Variants in HIPK2 observed in about 807,000 individuals in gnomAD.
HIPK2 encodes homeodomain interacting protein kinase 2.
A neutral mutation model predicts 113.7 loss-of-function variants in HIPK2; 27 were observed. The observed-to-expected ratio is 0.24, with a 90% confidence interval of 0.17 to 0.33. The LOEUF (loss-of-function observed/expected upper bound fraction) is 0.33. Among genes scored for constraint, HIPK2 ranks in the 10% least tolerant of loss-of-function variants. The pLI is 1.00. For missense variants in HIPK2, 1,257 were observed against 1,588.0 expected (o/e 0.79, Z 3.54); for synonymous variants, 631 against 642.2 (o/e 0.98, Z 0.26).
chr7:139,621,660 G>T (rs751795972), intron 6 of HIPK2, among the ~76,000 whole-genome samples: 1 of 152,104 alleles, frequency 6.6e-6, no homozygotes, highest in Non-Finnish European at 1.5e-5. Flanking sequence ...TGGGTGGGGT[G>T]GCTCACGCCT....
intron 2 of HIPK2, among the ~76,000 whole-genome samples, chr7:139,693,915 C>A (rs1418151564): frequency 6.6e-6 from 1 of 152,112 alleles, no homozygotes. Flanking sequence ...ATGCTTGCTG[C>A]AAACTGAACA....
At position 139,614,267 on chromosome 7, in the gene HIPK2, T is replaced by C. The variant is rs1474834758; in HGVS notation, c.1990+19A>G. ...GTTCTGTAAGAAGCAGGTGAGAGGCTGTGGCTGCTCAATCTTACCTTGGAA... is the reference window on the plus strand; with the variant it reads ...GTTCTGTAAGAAGCAGGTGAGAGGCCGTGGCTGCTCAATCTTACCTTGGAA... On this transcript the variant is annotated intron_variant, in intron 8 of 14. Coordinates refer to ENST00000406875, the MANE Select transcript of HIPK2 (RefSeq NM_022740.5). 5 of 1,441,616 alleles carry C rather than the reference T, an allele frequency of 3.5e-6. No homozygotes were observed. Among genetic ancestry groups the C allele is most frequent in the Non-Finnish European group, 4.6e-6 (5 of 1,081,998 alleles). The allele number at this position is 1,441,616 out of a possible 1,614,324, so 89.3% of individuals were successfully genotyped here.
chr7:139,765,514 G>A (rs1050487658), intron 1 of HIPK2, among the ~76,000 whole-genome samples: 1 of 152,176 alleles, frequency 6.6e-6, no homozygotes, highest in Non-Finnish European at 1.5e-5. Flanking sequence ...AGCTGCTTCA[G>A]GGCAGGAATT....
At chr7:139,654,012 CG>C (rs1194469708) in intron 2 of HIPK2, among the ~76,000 whole-genome samples, 1 of 152,140 alleles carries the variant, frequency 6.6e-6, no homozygotes, top group Non-Finnish European at 1.5e-5. Context: ...GGATTATAGG[CG>C]TGAGCCACTG....
rs556835627 is a variant in HIPK2 at position 139,763,211 on chromosome 7, A to C, written c.19+14394T>G. ...GACTGTGCTGTGATCCATGCTGTTC[A>C]GGATTCAGGATTTTCTTCCAAGTGT... On this transcript the variant is annotated intron_variant, in intron 1 of 14. Transcript: ENST00000406875. Among the ~76,000 whole-genome samples, 3 of 152,326 alleles carry C rather than the reference A, an allele frequency of 2.0e-5. No individual in the cohort carries two copies. In the South Asian group the frequency reaches 6.2e-4, roughly 32 times the overall value.
intron 2 of HIPK2, among the ~76,000 whole-genome samples, chr7:139,634,674 G>GTTTTTTTGTTTTTTT (rs1800744252): frequency 8.8e-6 from 1 of 113,664 alleles, no homozygotes; most frequent in African/African-American, 4.0e-5. Context: ...TCTGTTTCAG[G>GTTTTTTTGTTTTTTT]TTTTTTTTTT....
chr7:139,702,033 G>A (rs997467009), intron 2 of HIPK2, among the ~76,000 whole-genome samples: 2 of 152,316 alleles, frequency 1.3e-5, no homozygotes, highest in Admixed American at 6.5e-5. Context: ...CAAGCAGGGA[G>A]CACACGAGGA....
chr7:139,574,766 G>A lies in HIPK2; in HGVS notation c.3126+362C>T, dbSNP rs374262075. ...CCTGCAATGAGTCGGATGCAGGTCTGTCCCTGATGTCCCAGGCCGACAGGG... is the reference window on the plus strand; with the variant it reads ...CCTGCAATGAGTCGGATGCAGGTCTATCCCTGATGTCCCAGGCCGACAGGG... On this transcript the variant is annotated intron_variant, in intron 14 of 14. Coordinates refer to ENST00000406875, the MANE Select transcript of HIPK2 (RefSeq NM_022740.5). Among the ~76,000 whole-genome samples the A allele has an allele frequency of 1.1e-4, 16 of 152,210 alleles. 2 individuals are homozygous for A. The highest frequency in any genetic ancestry group is 9.2e-4 in the Admixed American group (14 of 15,280).
chr7:139,745,576 A>G (rs1796176315), intron 1 of HIPK2, among the ~76,000 whole-genome samples: 3 of 152,188 alleles, frequency 2.0e-5, no homozygotes, highest in Admixed American at 1.3e-4. Flanking sequence ...CAAACTTAAA[A>G]TGTCCCAAAT....
intron 2 of HIPK2, among the ~76,000 whole-genome samples, chr7:139,696,408 C>T (rs947783006): frequency 1.3e-5 from 2 of 151,810 alleles, no homozygotes; most frequent in Non-Finnish European, 2.9e-5. Flanking sequence ...CCCCCCGCCA[C>T]CAATCCCTAC....
chr7:139,665,598 CCATCCAT>C (rs1802022109), intron 2 of HIPK2, among the ~76,000 whole-genome samples: 2 of 151,918 alleles, frequency 1.3e-5, no homozygotes, highest in South Asian at 2.1e-4. Context: ...ATCCATCCAT[CCATCCAT>C]CCACCCATGG....
intron 12 of HIPK2, among the ~76,000 whole-genome samples, chr7:139,585,647 G>A (rs1035755099): frequency 2.0e-5 from 3 of 152,268 alleles, no homozygotes; most frequent in Non-Finnish European, 4.4e-5. Context: ...TATATCATAG[G>A]CTTGTTTTGA....
rs78099805 is a variant in HIPK2, at chr7:139,752,488, C to A, written c.19+25117G>T. The stretch of plus-strand genomic sequence containing the variant: ...TTCTCCCTCACCTCTCCCCCTTCTG[C>A]ACCAAATCATGCCCACCTCCCTTCT... On this transcript the variant is annotated intron_variant, in intron 1 of 14. Coordinates refer to ENST00000406875, the MANE Select transcript of HIPK2 (RefSeq NM_022740.5). 2.0e-3 allele frequency among the ~76,000 whole-genome samples: 311 copies of A among 152,260 alleles called. 2 individuals are homozygous for A. Among genetic ancestry groups the A allele is most frequent in the African/African-American group, 7.3e-3 (303 of 41,560 alleles).
At position 139,738,272 on chromosome 7, in the gene HIPK2, T is replaced by A. The variant is rs139686639; in HGVS notation, c.20-21257A>T. On this transcript the variant is annotated intron_variant, in intron 1 of 14. Coordinates refer to ENST00000406875, the MANE Select transcript of HIPK2 (RefSeq NM_022740.5). ...CTCTTCAGTTGATCTCTGTACCATG[T>A]ATGAGAGCGCCCTATTCTTGGGAAA... Among the ~76,000 whole-genome samples, 499 of 152,356 alleles carry A rather than the reference T, an allele frequency of 3.3e-3. 4 individuals are homozygous for A. The highest frequency in any genetic ancestry group is 0.01 in the African/African-American group (422 of 41,582).
intron 2 of HIPK2, among the ~76,000 whole-genome samples, chr7:139,637,126 C>A (rs889336040): frequency 2.0e-5 from 3 of 152,236 alleles, no homozygotes; most frequent in Non-Finnish European, 2.9e-5. Flanking sequence ...CTCCATCCCC[C>A]CTGCCGCAGC....
rs201139794 is a variant in HIPK2, at chr7:139,670,177, C to T, written c.1104-38452G>A. ...GTTCAAGTCCTAAAAGGCTGTTGTC[C>T]TACAAGGCTGTTTGTTTTTCCGGGC... is the stretch of plus-strand genomic sequence containing the variant. On this transcript the variant is annotated intron_variant, in intron 2 of 14. Coordinates refer to ENST00000406875, the MANE Select transcript of HIPK2 (RefSeq NM_022740.5). Among the ~76,000 whole-genome samples the T allele has an allele frequency of 1.3e-3, 203 of 152,200 alleles. 1 individual carries two copies. Among genetic ancestry groups the T allele is most frequent in the African/African-American group, 4.7e-3 (197 of 41,526 alleles).
intron 12 of HIPK2, among the ~76,000 whole-genome samples, chr7:139,591,960 CA>C (rs1002639046): frequency 6.6e-6 from 1 of 152,190 alleles, no homozygotes; most frequent in African/African-American, 2.4e-5. Flanking sequence ...GCTTTTTGCC[CA>C]TGCAATAATA....
intron 2 of HIPK2, among the ~76,000 whole-genome samples, chr7:139,655,077 G>C (rs1801613950): frequency 6.6e-6 from 1 of 152,148 alleles, no homozygotes; most frequent in Non-Finnish European, 1.5e-5. Flanking sequence ...CTGACTGTGG[G>C]GGGAATTCGC....
chr7:139,648,546 C>T (rs1355145942), intron 2 of HIPK2, among the ~76,000 whole-genome samples: 1 of 152,162 alleles, frequency 6.6e-6, no homozygotes, highest in African/African-American at 2.4e-5. Context: ...TTACTTTATC[C>T]CCCCGGGATA....
Sources: allele counts gnomAD v4.1 joint callset (sites outside exome capture counted in the v4.1 genomes callset), GRCh38; gene constraint gnomAD v4.1.1; transcripts MANE v1.5; gene names NCBI Gene and HGNC (gene_info 2026-07-23, HGNC 2026-07-21).